The following PLXNB1 variants were observed in gnomAD, a reference collection of about 807,000 sequenced individuals.
PLXNB1 encodes plexin B1.
PLXNB1 carries 106 observed loss-of-function variants against 209.4 expected under a neutral mutation model. That is an observed-to-expected ratio of 0.51 (90% CI 0.43 to 0.59). The LOEUF is 0.59. PLXNB1 is among the 20% of genes least tolerant of loss of function. PLXNB1 has a pLI of 0.00. For missense variants in PLXNB1, 2,357 were observed against 2,853.2 expected, an observed-to-expected ratio of 0.83 and a Z score of 3.96; for synonymous variants, 1,167 against 1,183.2, an observed-to-expected ratio of 0.99 and a Z score of 0.28.
chr3:48,411,146 C>A lies in PLXNB1; in HGVS notation c.5248-110G>T, dbSNP rs72925213. Reference sequence around the variant, plus strand: ...GAAACTGCTGCCTCCAATCCCCACGCACCACACAATCCCTAATTCTCGTCT... The same window carrying A: ...GAAACTGCTGCCTCCAATCCCCACGAACCACACAATCCCTAATTCTCGTCT... On this transcript the variant is annotated intron_variant, in intron 28 of 37. Coordinates refer to ENST00000296440, the MANE Select transcript of PLXNB1 (RefSeq NM_001130082.3). The surrounding 1 kb of genome is among the most constrained non-coding windows in gnomAD (Gnocchi z 4.0). The A allele has an allele frequency of 0.015, 13,029 of 879,906 alleles. 820 individuals carry two copies. In the African/African-American group the frequency reaches 0.16, roughly 11 times the overall value. The allele number at this position is 879,906 out of a possible 1,614,324, so 54.5% of individuals were successfully genotyped here.
chr3:48,412,525 C>T lies in PLXNB1; in HGVS notation c.4950G>A (p.Glu1650=). The change falls in exon 26 of 38, where the codon GAG becomes GAA. Residue 1650 remains glutamate, a synonymous_variant. Transcript: ENST00000296440. The part of the protein sequence containing the change: ...LLTVALHGKL[E]YFTDILRTLL... ...GAGTGCGGAGGATGTCAGTGAAATA[C>T]TCAAGCTTCCCATGCAGTGCCACGG... 6.2e-7 allele frequency: 1 copy of T among 1,613,694 alleles called. No homozygotes were observed. The highest frequency in any genetic ancestry group is 8.5e-7 in the Non-Finnish European group (1 of 1,180,044).
chr3:48,419,837 C>G lies in PLXNB1; in HGVS notation c.2449G>C (p.Asp817His). The change falls in exon 11 of 38, where the codon GAC becomes CAC. Residue 817 changes from aspartate to histidine, a missense_variant. Transcript: ENST00000296440. This position sits in a 1 kb window ranked among gnomAD's most constrained non-coding sequence, Gnocchi z 5.7. ...PEALHPTVPL[D>H]LPPATVPATT... is the part of the protein sequence containing the mutation. ...GCAGGAACAGTGGCAGGGGGCAGGT[C>G]CAGGGGCACTGTGGGATGAAGAGCC... 6.3e-7 allele frequency: 1 copy of G among 1,577,092 alleles called. No individual in the cohort carries two copies.
intron 2 of PLXNB1, among the ~76,000 whole-genome samples, chr3:48,424,942 G>C (rs1428816889): frequency 6.6e-6 from 1 of 152,174 alleles, no homozygotes; most frequent in Non-Finnish European, 1.5e-5. Context: ...CAGGAAGCAG[G>C]GTCTGGATGG....
At chr3:48,420,622 C>G in intron 10 of PLXNB1, 43 bp downstream of exon 10, 3 of 1,498,890 alleles carry the variant, frequency 2.0e-6, no homozygotes, top group Non-Finnish European at 2.8e-6. Context: ...CACACTGGGA[C>G]CCCCAACCCC....
chr3:48,429,305 C>G lies in PLXNB1; in HGVS notation c.-60+703G>C, dbSNP rs1300530145. On this transcript the variant is annotated intron_variant, in intron 1 of 37. Coordinates refer to ENST00000296440, the MANE Select transcript of PLXNB1 (RefSeq NM_001130082.3). The surrounding 1 kb of genome is among the most constrained non-coding windows in gnomAD (Gnocchi z 6.4). ...GCGCCGAGGCGGGCGTCGGCCGCTC[C>G]GGGCTCGGGCTCCGCGCGCAGCGGC... 6.6e-6 allele frequency: 1 copy of G among 151,398 alleles called. No individual in the cohort carries two copies. Among genetic ancestry groups the G allele is most frequent in the African/African-American group, 2.4e-5 (1 of 41,336 alleles). The allele number at this position is 151,398 out of a possible 1,614,324, so 9.4% of individuals were successfully genotyped here. A position where few individuals can be genotyped will look rare whatever the true frequency, so the allele number is the denominator to read the frequency against.
In PLXNB1 at chr3:48,413,030, C is replaced by G. The variant is rs750678337; in HGVS notation, c.4636+39G>C. 7 of 1,609,546 alleles carry G rather than the reference C, an allele frequency of 4.3e-6. No individual in the cohort carries two copies. The East Asian group carries it at 1.6e-4, about 36-fold the overall frequency. On this transcript the variant is annotated intron_variant, in intron 24 of 37. Coordinates refer to ENST00000296440, the MANE Select transcript of PLXNB1 (RefSeq NM_001130082.3). The surrounding 1 kb of genome is among the most constrained non-coding windows in gnomAD (Gnocchi z 5.4). Reference sequence around the variant, plus strand: ...CCCGTGTGATGGGAGTGGGTTTGGGCAGAGTTCTGGAGGGCGGGGCCCATT... The same window carrying G: ...CCCGTGTGATGGGAGTGGGTTTGGGGAGAGTTCTGGAGGGCGGGGCCCATT...
chr3:48,408,070 G>A (rs1301203893), intron 34 of PLXNB1, among the ~76,000 whole-genome samples: 1 of 152,210 alleles, frequency 6.6e-6, no homozygotes, highest in African/African-American at 2.4e-5. Flanking sequence ...GCAGTGAACA[G>A]AGTAGTCATG....
Position 48,419,533 on chromosome 3 carries a change from C to T in PLXNB1, c.2709+44G>A. Reference sequence around the variant, plus strand: ...AGGCAAGCTAGGGGTAGCATCTTCCCCACATCCCCTCCCCTGAGGCCTCCT... The same window carrying T: ...AGGCAAGCTAGGGGTAGCATCTTCCTCACATCCCCTCCCCTGAGGCCTCCT... On this transcript the variant is annotated intron_variant, in intron 11 of 37. Transcript: ENST00000296440. This position sits in a 1 kb window ranked among gnomAD's most constrained non-coding sequence, Gnocchi z 5.7. 1 of 1,559,200 alleles carries T rather than the reference C, an allele frequency of 6.4e-7. No individual in the cohort carries two copies. The highest frequency in any genetic ancestry group is 8.7e-7 in the Non-Finnish European group (1 of 1,144,652).
At position 48,418,215 on chromosome 3, in the gene PLXNB1, C is replaced by G. The variant is rs755793009; in HGVS notation, c.3198G>C (p.Gln1066His). ...CCGAGTGGATGAGGGGCGCTGGGCA[C>G]TGGGTGGCCACAGCCTCAGCCTCAC... ...ACGEAEAVAT[Q>H]CPAPLIHSVE... The change falls in exon 15 of 38, where the codon CAG becomes CAC. Residue 1066 changes from glutamine to histidine, a missense_variant. This residue lies in a region of PLXNB1 where 743 missense variants were observed against 896.2 expected (regional missense o/e 0.83). Coordinates refer to ENST00000296440, the MANE Select transcript of PLXNB1 (RefSeq NM_001130082.3). This position sits in a 1 kb window ranked among gnomAD's most constrained non-coding sequence, Gnocchi z 6.6. 6.2e-7 allele frequency: 1 copy of G among 1,611,800 alleles called. No individual in the cohort carries two copies. Among genetic ancestry groups the G allele is most frequent in the South Asian group, 1.1e-5 (1 of 90,866 alleles).
Position 48,411,725 on chromosome 3 carries a change from G to A in PLXNB1, c.5247+138C>T, listed in dbSNP as rs1355711234. ...AGCTAGTCTGATGGGCTCTCTCCAG[G>A]AGCCAGCCAGAGGTCAACCCAGCTC... On this transcript the variant is annotated intron_variant, in intron 28 of 37. Transcript: ENST00000296440. This position sits in a 1 kb window ranked among gnomAD's most constrained non-coding sequence, Gnocchi z 4.0. 7.3e-6 allele frequency: 7 copies of A among 964,338 alleles called. No homozygotes were observed. Among genetic ancestry groups the A allele is most frequent in the Non-Finnish European group, 1.1e-5 (7 of 641,920 alleles). The allele number at this position is 964,338 out of a possible 1,614,324, so 59.7% of individuals were successfully genotyped here.
chr3:48,416,322 G>T lies in PLXNB1; in HGVS notation c.3480+24C>A. The T allele has an allele frequency of 6.3e-7, 1 of 1,586,748 alleles. No homozygotes were observed. The highest frequency in any genetic ancestry group is 8.6e-7 in the Non-Finnish European group (1 of 1,157,932). On this transcript the variant is annotated intron_variant, in intron 17 of 37. Coordinates refer to ENST00000296440, the MANE Select transcript of PLXNB1 (RefSeq NM_001130082.3). This position sits in a 1 kb window ranked among gnomAD's most constrained non-coding sequence, Gnocchi z 4.1. Reference sequence around the variant, plus strand: ...CAGAGAGGTTGGCCCGCTGGCAGCTGGGGGTGGCTCAGCAGTCAGGTACCT... The same window carrying T: ...CAGAGAGGTTGGCCCGCTGGCAGCTTGGGGTGGCTCAGCAGTCAGGTACCT...
At chr3:48,426,265 C>A (rs2038890183) in intron 1 of PLXNB1, among the ~76,000 whole-genome samples, 2 of 152,220 alleles carry the variant, frequency 1.3e-5, no homozygotes, top group African/African-American at 4.8e-5. Context: ...CACACAGACC[C>A]CTTCTTGGGC....
At position 48,405,674 on chromosome 3, in the gene PLXNB1, C is replaced by T; in HGVS notation, c.6303+50G>A. ...CACAGGGTCAGAGCCCCTTAAGTCT[C>T]CTGGGAGGCCTTGGGTCAGCCTCCC... On this transcript the variant is annotated intron_variant, in intron 37 of 37. Coordinates refer to ENST00000296440, the MANE Select transcript of PLXNB1 (RefSeq NM_001130082.3). The surrounding 1 kb of genome is among the most constrained non-coding windows in gnomAD (Gnocchi z 5.0). The T allele has an allele frequency of 6.9e-7, 1 of 1,451,710 alleles. No individual in the cohort carries two copies. Among genetic ancestry groups the T allele is most frequent in the Non-Finnish European group, 9.6e-7 (1 of 1,037,962 alleles). 89.9% of individuals were successfully genotyped at this position (1,451,710 alleles called of 1,614,324 possible).
At position 48,420,647 on chromosome 3, in the gene PLXNB1, G is replaced by A; in HGVS notation, c.2028+18C>T. On this transcript the variant is annotated intron_variant, in intron 10 of 37. Transcript: ENST00000296440. ...CCCCCAACCCCCCCGGTATGGCCCAGCCCAAAGTCACACTCACCTGATGGC... is the reference window on the plus strand; with the variant it reads ...CCCCCAACCCCCCCGGTATGGCCCAACCCAAAGTCACACTCACCTGATGGC... The A allele has an allele frequency of 6.2e-7, 1 of 1,602,886 alleles. No homozygotes were observed. The highest frequency in any genetic ancestry group is 8.5e-7 in the Non-Finnish European group (1 of 1,170,528).
chr3:48,419,713 C>G lies in PLXNB1; in HGVS notation c.2573G>C (p.Gly858Ala). The change falls in exon 11 of 38, where the codon GGT (glycine) becomes GCT (alanine). Residue 858 changes from glycine to alanine, a missense_variant. Physicochemically the swap from Gly to Ala is moderately conservative, Grantham distance 60. This residue lies in a region of PLXNB1 where 410 missense variants were observed against 401.0 expected (regional missense o/e 1.02). Coordinates refer to ENST00000296440, the MANE Select transcript of PLXNB1 (RefSeq NM_001130082.3). This position sits in a 1 kb window ranked among gnomAD's most constrained non-coding sequence, Gnocchi z 5.7. ...GGAAGTGGAGAAGGCGGGTGCGTCACCCCCCGTCCACTCGTCCGCCTCGGG... is the reference window on the plus strand; with the variant it reads ...GGAAGTGGAGAAGGCGGGTGCGTCAGCCCCCGTCCACTCGTCCGCCTCGGG... ...ELPEADEWTG[G>A]DAPAFSTSTL... 6.2e-7 allele frequency: 1 copy of G among 1,611,738 alleles called. No homozygotes were observed.
At chr3:48,407,949 G>T (rs1232548470) in intron 34 of PLXNB1, among the ~76,000 whole-genome samples, 1 of 152,230 alleles carries the variant, frequency 6.6e-6, no homozygotes, top group Non-Finnish European at 1.5e-5. Context: ...CATGATGACA[G>T]CATGTGGAAC....
rs571547770 is a variant in PLXNB1 at position 48,415,649 on chromosome 3, C to T, written c.3728G>A (p.Arg1243His). 24 of 1,577,326 alleles carry T rather than the reference C, an allele frequency of 1.5e-5. No individual in the cohort carries two copies. The East Asian group carries it at 3.7e-4, about 24-fold the overall frequency. ...GTCCAAGGTATACTTGAACTGTCCG[C>T]GTTGAAGCCTCCGCTCCGTGGCCCC... ...WFGATERRLQ[R>H]GQFKYTLDPN... Residue 1243 changes from arginine (R) to histidine (H), a missense_variant, in exon 19 of 38, where the codon CGC (arginine) becomes CAC (histidine). Coordinates refer to ENST00000296440, the MANE Select transcript of PLXNB1 (RefSeq NM_001130082.3). The surrounding 1 kb of genome is among the most constrained non-coding windows in gnomAD (Gnocchi z 5.0).
In PLXNB1 at chr3:48,424,592, G is replaced by A; in HGVS notation, c.20C>T (p.Ala7Val). The change falls in exon 3 of 38, where the codon GCT (alanine) becomes GTT (valine). Residue 7 changes from alanine (A) to valine (V), a missense_variant. Coordinates refer to ENST00000296440, the MANE Select transcript of PLXNB1 (RefSeq NM_001130082.3). MPALGP[A>V]LLQALWAGWV... Reference sequence around the variant, plus strand: ...CCCGGCCCAGAGAGCCTGGAGAAGAGCTGGGCCCAGAGCAGGCATGGTCAC... The same window carrying A: ...CCCGGCCCAGAGAGCCTGGAGAAGAACTGGGCCCAGAGCAGGCATGGTCAC... 1 of 1,540,730 alleles carries A rather than the reference G, an allele frequency of 6.5e-7. No individual in the cohort carries two copies. Among genetic ancestry groups the A allele is most frequent in the South Asian group, 1.2e-5 (1 of 84,188 alleles).
At chr3:48,423,013 GACA>G in intron 3 of PLXNB1, 66 bp from the exon 4 acceptor site, 7 of 1,449,208 alleles carry the variant, frequency 4.8e-6, no homozygotes, top group Non-Finnish European at 6.7e-6. Flanking sequence ...ATCGTCCCTG[GACA>G]ACCTCATTCC....
Sources: gnomAD v4.1 joint callset for allele counts (sites outside exome capture counted in the v4.1 genomes callset) on GRCh38, gnomAD v4.1.1 for gene constraint, gnomAD v4.1.1 regional missense constraint, Gnocchi (gnomAD v3.1) non-coding constraint, MANE v1.5 for transcripts, NCBI Gene and HGNC (gene_info 2026-07-23, HGNC 2026-07-21) for gene names.